ENPEP: variants seen among roughly 807,000 people sequenced by gnomAD.
ENPEP encodes glutamyl aminopeptidase, also known as AP-A.
In ENPEP, 103 loss-of-function variants were observed where a neutral mutation model predicts 114.5. The ratio of observed to expected loss-of-function variants is 0.90; its 90% CI spans 0.77 to 1.06. The LOEUF (loss-of-function observed/expected upper bound fraction) is 1.06, where lower values mean the gene tolerates loss of function less well. ENPEP is among the 50% of genes least tolerant of loss of function. The pLI, the probability that ENPEP is intolerant of heterozygous loss-of-function variation, is 0.00. For synonymous variants in ENPEP, 420 were observed against 422.0 expected, an observed-to-expected ratio of 1.00 and a Z score of 0.06; for missense variants, 1,196 against 1,161.3, an observed-to-expected ratio of 1.03 and a Z score of -0.43.
In ENPEP at chr4:110,529,121, G is replaced by A. The variant is rs190550253; in HGVS notation, c.1728-2077G>A. ...AGCTTCTGCCCTTTTGAGGCCTGGT[G>A]TAGTCCCAGAGGCCATGTTTTAGAG... On this transcript the variant is annotated intron_variant, in intron 10 of 19. Transcript: ENST00000265162. 3.9e-5 allele frequency among the ~76,000 whole-genome samples: 6 copies of A among 152,308 alleles called. No individual in the cohort carries two copies. In the East Asian group the frequency reaches 1.2e-3, roughly 29 times the overall value.
In ENPEP at chr4:110,520,259, A is replaced by C; in HGVS notation, c.1620A>C (p.Arg540Ser). The change falls in exon 10 of 20, where the codon AGA becomes AGC. Residue 540 changes from arginine to serine, a missense_variant. By Grantham distance (110) the Arg-to-Ser change is moderately radical. Coordinates refer to ENST00000265162, the MANE Select transcript of ENPEP (RefSeq NM_001977.4). Reference sequence around the variant, plus strand: ...AAGAAGTAATGGACACCTGGACCAGACAGATGGGTTATCCTGTGCTTAACG... The same window carrying C: ...AAGAAGTAATGGACACCTGGACCAGCCAGATGGGTTATCCTGTGCTTAACG... ...PVKEVMDTWT[R>S]QMGYPVLNVN... 1 of 1,614,160 alleles carries C rather than the reference A, an allele frequency of 6.2e-7. No individual in the cohort carries two copies. Among genetic ancestry groups the C allele is most frequent in the Non-Finnish European group, 8.5e-7 (1 of 1,179,988 alleles).
At chr4:110,482,349 C>T (rs1157568519) in intron 1 of ENPEP, among the ~76,000 whole-genome samples, 3 of 152,136 alleles carry the variant, frequency 2.0e-5, no homozygotes, top group African/African-American at 7.2e-5. Context: ...TAGCCTTCAC[C>T]TCAATTGATA....
chr4:110,526,320 G>A (rs748035896), intron 10 of ENPEP, among the ~76,000 whole-genome samples: 3 of 151,972 alleles, frequency 2.0e-5, no homozygotes, highest in South Asian at 2.1e-4. Context: ...AAATTACAGC[G>A]TATATGAAAG....
intron 1 of ENPEP, among the ~76,000 whole-genome samples, chr4:110,481,147 C>T (rs1357459164): frequency 2.0e-5 from 3 of 152,106 alleles, no homozygotes; most frequent in African/African-American, 7.2e-5. Flanking sequence ...TAGATATTAC[C>T]AGAAAAATAG....
intron 11 of ENPEP, among the ~76,000 whole-genome samples, chr4:110,541,146 T>C (rs1560567608): frequency 6.6e-6 from 1 of 152,146 alleles, no homozygotes; most frequent in Non-Finnish European, 1.5e-5. Context: ...GAAAGAGAAA[T>C]TCTACATGAG....
intron 3 of ENPEP, among the ~76,000 whole-genome samples, chr4:110,502,026 T>C (rs1350513515): frequency 1.3e-5 from 2 of 152,234 alleles, no homozygotes; most frequent in African/African-American, 4.8e-5. Flanking sequence ...TGCAGTTCTC[T>C]AATGATTAGT....
chr4:110,513,349 G>T, intron 6 of ENPEP, 66 bp from the exon 7 acceptor site: 4 of 1,505,754 alleles, frequency 2.7e-6, no homozygotes, highest in Middle Eastern at 1.8e-4. Flanking sequence ...CTTATATATG[G>T]TATTTTAGTT....
rs1488529586 is a variant in ENPEP, at chr4:110,506,696, T to C, written c.978T>C (p.Thr326=). The part of the protein sequence containing the change: ...KHTAEYAANI[T]KSVFDYFEEY... ...CAGCCGAATATGCTGCAAACATAAC[T>C]AAAAGTGTGTTTGATTATTTTGAAG... Residue 326 remains threonine (T), a synonymous_variant, in exon 4 of 20, where the codon ACT becomes ACC. Coordinates refer to ENST00000265162, the MANE Select transcript of ENPEP (RefSeq NM_001977.4). 3.1e-6 allele frequency: 5 copies of C among 1,611,878 alleles called. No homozygotes were observed. The African/African-American group carries it at 6.7e-5, about 22-fold the overall frequency.
rs1412526423 is a variant in ENPEP at position 110,520,357 on chromosome 4, C to T, written c.1718C>T (p.Ser573Leu). ...DPRANPSQPP[S>L]DLGYTWNIPV... ...AGAGCTAACCCTTCTCAGCCCCCTT[C>T]AGATCTTGGGTAAGGCTCTATAATG... The change falls in exon 10 of 20, where the codon TCA (serine) becomes TTA (leucine). Residue 573 changes from serine to leucine, a missense_variant. Coordinates refer to ENST00000265162, the MANE Select transcript of ENPEP (RefSeq NM_001977.4). The T allele has an allele frequency of 6.2e-7, 1 of 1,613,834 alleles. No individual in the cohort carries two copies. Among genetic ancestry groups the T allele is most frequent in the African/African-American group, 1.3e-5 (1 of 74,890 alleles).
chr4:110,541,088 C>T (rs1269434826), intron 11 of ENPEP, among the ~76,000 whole-genome samples: 2 of 152,056 alleles, frequency 1.3e-5, no homozygotes, highest in African/African-American at 2.4e-5. Context: ...GTACAGATGC[C>T]AAAAGATTAG....
intron 10 of ENPEP, among the ~76,000 whole-genome samples, chr4:110,528,591 A>G (rs988039905): frequency 6.6e-6 from 1 of 152,206 alleles, no homozygotes; most frequent in African/African-American, 2.4e-5. Context: ...TGGCTCACCC[A>G]TGTATAAGTT....
intron 11 of ENPEP, among the ~76,000 whole-genome samples, chr4:110,540,782 G>A (rs549526846): frequency 2.6e-5 from 4 of 152,252 alleles, no homozygotes; most frequent in African/African-American, 9.6e-5. Context: ...TCATTATAAT[G>A]GGGATAGCTA....
chr4:110,554,386 T>C (rs1053029182), intron 18 of ENPEP, among the ~76,000 whole-genome samples: 2 of 152,062 alleles, frequency 1.3e-5, no homozygotes, highest in Admixed American at 6.6e-5. Flanking sequence ...TTTACATTTC[T>C]TTTCCTGCTG....
At chr4:110,480,368 G>T (rs1724263739) in intron 1 of ENPEP, among the ~76,000 whole-genome samples, 1 of 152,120 alleles carries the variant, frequency 6.6e-6, no homozygotes, top group Non-Finnish European at 1.5e-5. Context: ...GCAGCCTCTA[G>T]GAGTTCTCAT....
intron 3 of ENPEP, among the ~76,000 whole-genome samples, chr4:110,502,304 T>C (rs747162335): frequency 2.6e-5 from 4 of 152,244 alleles, no homozygotes; most frequent in Non-Finnish European, 5.9e-5. Context: ...TGCCTACTTA[T>C]GGTTTTGTTG....
At chr4:110,538,902 A>G (rs986293154) in intron 11 of ENPEP, among the ~76,000 whole-genome samples, 2 of 152,046 alleles carry the variant, frequency 1.3e-5, no homozygotes, top group Non-Finnish European at 2.9e-5. Flanking sequence ...GAGAAAGATA[A>G]AAAGAGAGAC....
intron 10 of ENPEP, among the ~76,000 whole-genome samples, chr4:110,523,928 G>T (rs1015635402): frequency 6.6e-6 from 1 of 152,106 alleles, no homozygotes; most frequent in Non-Finnish European, 1.5e-5. Flanking sequence ...TGAAAACTGG[G>T]TGTTAAACAT....
At position 110,513,688 on chromosome 4, in the gene ENPEP, A is replaced by C. The variant is rs1029324275; in HGVS notation, c.1443+139A>C. 4.0e-6 allele frequency: 4 copies of C among 998,302 alleles called. No individual in the cohort carries two copies. In the African/African-American group the frequency reaches 6.6e-5, roughly 16 times the overall value. The allele number at this position is 998,302 out of a possible 1,614,324, so 61.8% of individuals were successfully genotyped here. On this transcript the variant is annotated intron_variant, in intron 7 of 19. Coordinates refer to ENST00000265162, the MANE Select transcript of ENPEP (RefSeq NM_001977.4). ...GTGTAGAAGTTATTCTGAGTGCTGAATATTCAATAGTTTGTACTTTTCAGT... is the reference window on the plus strand; with the variant it reads ...GTGTAGAAGTTATTCTGAGTGCTGACTATTCAATAGTTTGTACTTTTCAGT...
intron 19 of ENPEP, among the ~76,000 whole-genome samples, chr4:110,560,037 T>C (rs1385882987): frequency 1.3e-5 from 2 of 152,156 alleles, no homozygotes; most frequent in Admixed American, 1.3e-4. Context: ...AGAGAGAACA[T>C]GCGGTGTTTG....
Sources: allele counts gnomAD v4.1 joint callset (sites outside exome capture counted in the v4.1 genomes callset), GRCh38; gene constraint gnomAD v4.1.1; transcripts MANE v1.5; gene names NCBI Gene and HGNC (gene_info 2026-07-23, HGNC 2026-07-21).